Variants in BTBD9 observed in about 807,000 individuals in gnomAD.
The protein encoded by BTBD9 is BTB domain containing 9.
Under a neutral mutation model 64.3 loss-of-function variants are expected in BTBD9, and 49 were observed. That is an observed-to-expected ratio of 0.76 (90% CI 0.61 to 0.97). BTBD9 has a LOEUF of 0.97. Among genes scored for constraint, BTBD9 ranks in the 50% least tolerant of loss-of-function variants. The pLI, the probability that BTBD9 is intolerant of heterozygous loss-of-function variation, is 0.00. For missense variants in BTBD9, 598 were observed against 762.1 expected (o/e 0.78, Z 2.53); for synonymous variants, 260 against 274.7 (o/e 0.95, Z 0.53).
chr6:38,507,962 T>C lies in BTBD9; in HGVS notation c.1154+69638A>G, dbSNP rs1040617368. On this transcript the variant is annotated intron_variant, in intron 6 of 10. Transcript: ENST00000481247. ...CATTCTCCTACCTCAGCCTCCCGAG[T>C]AGCTGGGACTATAGGCACCCGCCAC... 4.6e-5 allele frequency among the ~76,000 whole-genome samples: 7 copies of C among 151,580 alleles called. No homozygotes were observed. The South Asian group carries it at 6.2e-4, about 14-fold the overall frequency.
intron 6 of BTBD9, among the ~76,000 whole-genome samples, chr6:38,417,775 G>GGAGAGAGA (rs1554149267): frequency 7.4e-6 from 1 of 135,644 alleles, no homozygotes; most frequent in Non-Finnish European, 1.5e-5. Flanking sequence ...CCTGTCTCGA[G>GGAGAGAGA]GAGAGAGAGA....
chr6:38,312,304 TATTA>T (rs1265419101), intron 7 of BTBD9, among the ~76,000 whole-genome samples: 1 of 152,244 alleles, frequency 6.6e-6, no homozygotes, highest in Non-Finnish European at 1.5e-5. Flanking sequence ...ATATTCTGGT[TATTA>T]ATCCCTTGTC....
rs561243538 is a variant in BTBD9, at chr6:38,485,842, G to C, written c.1154+91758C>G. Reference sequence around the variant, plus strand: ...AATGTCCTTTGAAGCTTTAAAGCCAGGCAGTGACTTCTCCTCTCCAGCTAT... The same window carrying C: ...AATGTCCTTTGAAGCTTTAAAGCCACGCAGTGACTTCTCCTCTCCAGCTAT... On this transcript the variant is annotated intron_variant, in intron 6 of 10. Coordinates refer to ENST00000481247, the MANE Select transcript of BTBD9 (RefSeq NM_001099272.2). Among the ~76,000 whole-genome samples, 6 of 152,298 alleles carry C rather than the reference G, an allele frequency of 3.9e-5. No homozygotes were observed. The South Asian group carries it at 1.2e-3, about 32-fold the overall frequency.
intron 9 of BTBD9, among the ~76,000 whole-genome samples, chr6:38,201,729 C>G (rs1762467900): frequency 6.6e-6 from 1 of 152,186 alleles, no homozygotes; most frequent in African/African-American, 2.4e-5. Context: ...GGTTGATAAG[C>G]AGATTCAGTA....
At chr6:38,213,227 A>G (rs1230446107) in intron 9 of BTBD9, among the ~76,000 whole-genome samples, 2 of 152,156 alleles carry the variant, frequency 1.3e-5, no homozygotes, top group African/African-American at 4.8e-5. Flanking sequence ...AGATCTAATG[A>G]CAAGCCAAAT....
At chr6:38,599,210 G>A (rs1483571391) in intron 1 of BTBD9, among the ~76,000 whole-genome samples, 1 of 152,124 alleles carries the variant, frequency 6.6e-6, no homozygotes, top group African/African-American at 2.4e-5. Context: ...ATGATTAACA[G>A]CTTTACGTGT....
At chr6:38,535,993 T>C (rs930573840) in intron 6 of BTBD9, among the ~76,000 whole-genome samples, 1 of 151,966 alleles carries the variant, frequency 6.6e-6, no homozygotes, top group African/African-American at 2.4e-5. Flanking sequence ...AATGGATAAA[T>C]GGGATCATAT....
At chr6:38,475,922 G>A (rs1468770613) in intron 6 of BTBD9, among the ~76,000 whole-genome samples, 1 of 152,176 alleles carries the variant, frequency 6.6e-6, no homozygotes, top group African/African-American at 2.4e-5. Context: ...GATGGCTCTA[G>A]ATTCAGTGGT....
At chr6:38,257,567 CT>C (rs79738454) in intron 8 of BTBD9, among the ~76,000 whole-genome samples, 51,290 of 151,870 alleles carry the variant, frequency 0.34, 9,375 homozygotes, top group Non-Finnish European at 0.41. Context: ...TTTTAGTTTC[CT>C]TCTTATTCTC....
chr6:38,487,057 G>C (rs1771468204), intron 6 of BTBD9, among the ~76,000 whole-genome samples: 1 of 152,154 alleles, frequency 6.6e-6, no homozygotes, highest in African/African-American at 2.4e-5. Context: ...TTAACTACTT[G>C]AATCTGTACC....
chr6:38,573,829 C>T (rs572862664), intron 6 of BTBD9, among the ~76,000 whole-genome samples: 1 of 152,218 alleles, frequency 6.6e-6, no homozygotes, highest in South Asian at 2.1e-4. Flanking sequence ...CAATATCCAC[C>T]ATTCATTACT....
chr6:38,397,916 T>C (rs1766752522), intron 6 of BTBD9, among the ~76,000 whole-genome samples: 1 of 152,182 alleles, frequency 6.6e-6, no homozygotes, highest in Non-Finnish European at 1.5e-5. Flanking sequence ...GAGTTATAAA[T>C]AGCCTGACAG....
chr6:38,209,096 A>G (rs1209670398), intron 9 of BTBD9, among the ~76,000 whole-genome samples: 1 of 152,186 alleles, frequency 6.6e-6, no homozygotes, highest in East Asian at 1.9e-4. Flanking sequence ...CTTCTCTTGA[A>G]AACCAGAAGA....
chr6:38,369,995 A>G (rs1305624202), intron 6 of BTBD9, among the ~76,000 whole-genome samples: 1 of 152,240 alleles, frequency 6.6e-6, no homozygotes, highest in East Asian at 1.9e-4. Flanking sequence ...AAATAACATC[A>G]GCTCGTGAGC....
chr6:38,347,012 G>A (rs570155510), intron 6 of BTBD9, among the ~76,000 whole-genome samples: 51 of 152,214 alleles, frequency 3.4e-4, no homozygotes, highest in Non-Finnish European at 5.4e-4. Context: ...TCCCAATGGC[G>A]GTTCTTAAGG....
chr6:38,546,766 T>G (rs1774570576), intron 6 of BTBD9, among the ~76,000 whole-genome samples: 2 of 152,226 alleles, frequency 1.3e-5, no homozygotes, highest in South Asian at 4.1e-4. Flanking sequence ...CCTCCCAGGT[T>G]CAAGTGATTC....
At chr6:38,222,361 C>T (rs181298302) in intron 9 of BTBD9, among the ~76,000 whole-genome samples, 6 of 144,040 alleles carry the variant, frequency 4.2e-5, no homozygotes, top group African/African-American at 1.0e-4. Flanking sequence ...CCCGGGTTCA[C>T]GCCATTCTCC....
chr6:38,187,447 T>C (rs1582017712), intron 10 of BTBD9, among the ~76,000 whole-genome samples: 1 of 151,774 alleles, frequency 6.6e-6, no homozygotes. Context: ...AAGCGGAGGG[T>C]GGATGTGCTG....
chr6:38,391,984 C>T (rs1206229409), intron 6 of BTBD9, among the ~76,000 whole-genome samples: 1 of 152,152 alleles, frequency 6.6e-6, no homozygotes, highest in Non-Finnish European at 1.5e-5. Flanking sequence ...ATTTGTGGGG[C>T]CCATCACATT....
Sources: gnomAD v4.1 joint callset for allele counts (sites outside exome capture counted in the v4.1 genomes callset) on GRCh38, gnomAD v4.1.1 for gene constraint, MANE v1.5 for transcripts, NCBI Gene and HGNC (gene_info 2026-07-23, HGNC 2026-07-21) for gene names.